The following KCNB2 variants were observed in gnomAD, a reference collection of about 807,000 sequenced individuals.
The protein encoded by KCNB2 is potassium voltage-gated channel subfamily B member 2.
Under a neutral mutation model 61.5 loss-of-function variants are expected in KCNB2, and 15 were observed. The observed-to-expected ratio is 0.24, with a 90% CI of 0.16 to 0.38. The LOEUF (loss-of-function observed/expected upper bound fraction) is 0.38, where lower values mean the gene tolerates loss of function less well. Ranked by LOEUF, KCNB2 falls within the 10% of genes least tolerant of loss-of-function variation. The pLI is 1.00. For synonymous variants in KCNB2, 457 were observed against 446.0 expected (o/e 1.02, Z -0.31); for missense variants, 828 against 1,125.2 (o/e 0.74, Z 3.78).
chr8:72,581,064 C>T (rs1420593427), intron 2 of KCNB2, among the ~76,000 whole-genome samples: 1 of 152,152 alleles, frequency 6.6e-6, no homozygotes, highest in Admixed American at 6.5e-5. Context: ...ACCAACCATT[C>T]CTGAAGACAG....
intron 2 of KCNB2, among the ~76,000 whole-genome samples, chr8:72,580,272 A>G (rs1293577843): frequency 6.6e-6 from 1 of 152,202 alleles, no homozygotes; most frequent in Non-Finnish European, 1.5e-5. Flanking sequence ...TATCAATCCT[A>G]TGAGAACACA....
intron 1 of KCNB2, among the ~76,000 whole-genome samples, chr8:72,540,354 C>A (rs1806171676): frequency 2.0e-5 from 3 of 152,184 alleles, no homozygotes; most frequent in South Asian, 4.1e-4. Context: ...CTGCTTATTT[C>A]AAAATGTAAT....
intron 2 of KCNB2, among the ~76,000 whole-genome samples, chr8:72,919,781 A>G (rs1806471763): frequency 1.3e-5 from 2 of 152,250 alleles, no homozygotes; most frequent in Admixed American, 1.3e-4. Context: ...GACATTTGTC[A>G]TAATATGCTC....
At chr8:72,800,913 A>G (rs1809115234) in intron 2 of KCNB2, among the ~76,000 whole-genome samples, 1 of 152,208 alleles carries the variant, frequency 6.6e-6, no homozygotes, top group Admixed American at 6.5e-5. Context: ...CCATAGGTGC[A>G]GAGTCTTCCT....
intron 2 of KCNB2, among the ~76,000 whole-genome samples, chr8:72,737,689 C>T (rs1461572523): frequency 6.6e-6 from 1 of 152,094 alleles, no homozygotes; most frequent in Admixed American, 6.6e-5. Context: ...AGTAGTTGGA[C>T]GTGGCAATGG....
chr8:72,586,233 C>T (rs1156397728), intron 2 of KCNB2, among the ~76,000 whole-genome samples: 2 of 152,230 alleles, frequency 1.3e-5, no homozygotes, highest in East Asian at 3.9e-4. Context: ...AACCCATTAC[C>T]GTGTGTCAAC....
chr8:72,931,504 C>G (rs374445437), intron 2 of KCNB2, among the ~76,000 whole-genome samples: 5 of 152,104 alleles, frequency 3.3e-5, no homozygotes, highest in South Asian at 2.1e-4. Flanking sequence ...TCCTTGAAGA[C>G]GTCCTTCACA....
At position 72,648,606 on chromosome 8, in the gene KCNB2, T is replaced by C. The variant is rs1018210083; in HGVS notation, c.579+80293T>C. Among the ~76,000 whole-genome samples the C allele has an allele frequency of 5.9e-5, 9 of 151,900 alleles. No individual in the cohort carries two copies. The South Asian group carries it at 1.7e-3, about 28-fold the overall frequency. On this transcript the variant is annotated intron_variant, in intron 2 of 2. Coordinates refer to ENST00000523207, the MANE Select transcript of KCNB2 (RefSeq NM_004770.3). The stretch of plus-strand genomic sequence containing the variant: ...TTTTTCAGAATATAAATTAATAGTT[T>C]TGAGTAAAATATTAACAAATTTATA...
chr8:72,642,125 G>T (rs1157977113), intron 2 of KCNB2, among the ~76,000 whole-genome samples: 1 of 152,078 alleles, frequency 6.6e-6, no homozygotes, highest in Non-Finnish European at 1.5e-5. Flanking sequence ...CTAGCTACGT[G>T]TGGCTACTCA....
intron 2 of KCNB2, among the ~76,000 whole-genome samples, chr8:72,580,790 G>A (rs1429201174): frequency 1.3e-5 from 2 of 152,188 alleles, no homozygotes; most frequent in Admixed American, 1.3e-4. Context: ...TCTCATGCTT[G>A]GACTATTGTT....
chr8:72,761,072 C>T (rs548440299), intron 2 of KCNB2, among the ~76,000 whole-genome samples: 1 of 152,306 alleles, frequency 6.6e-6, no homozygotes, highest in South Asian at 2.1e-4. Context: ...TTATGACTAT[C>T]AACAGCAGCA....
chr8:72,847,815 G>T (rs1186415366), intron 2 of KCNB2, among the ~76,000 whole-genome samples: 1 of 152,136 alleles, frequency 6.6e-6, no homozygotes, highest in South Asian at 2.1e-4. Context: ...ATGGTTGAGA[G>T]ACTCACTAGA....
chr8:72,634,798 T>G (rs558037027), intron 2 of KCNB2, among the ~76,000 whole-genome samples: 1 of 152,276 alleles, frequency 6.6e-6, no homozygotes, highest in African/African-American at 2.4e-5. Flanking sequence ...AGAAGATAAT[T>G]TCTTTAAAAT....
intron 2 of KCNB2, among the ~76,000 whole-genome samples, chr8:72,915,532 A>ATT (rs1806379069): frequency 6.6e-6 from 1 of 152,210 alleles, no homozygotes; most frequent in Non-Finnish European, 1.5e-5. Flanking sequence ...GCTGAACATA[A>ATT]ACATAGACAC....
chr8:72,732,799 T>C (rs1463459576), intron 2 of KCNB2, among the ~76,000 whole-genome samples: 7 of 152,178 alleles, frequency 4.6e-5, no homozygotes, highest in Non-Finnish European at 1.0e-4. Context: ...TCTCTAAGAC[T>C]AGGCTGCCTA....
chr8:72,902,738 A>G (rs117187357), intron 2 of KCNB2, among the ~76,000 whole-genome samples: 103 of 152,284 alleles, frequency 6.8e-4, no homozygotes, highest in Non-Finnish European at 1.1e-3. Flanking sequence ...ACTTAAGGAT[A>G]TTAGTGATAT....
chr8:72,640,436 G>A (rs1488477899), intron 2 of KCNB2, among the ~76,000 whole-genome samples: 1 of 151,904 alleles, frequency 6.6e-6, no homozygotes, highest in Non-Finnish European at 1.5e-5. Flanking sequence ...GGCATATTGT[G>A]GAAGTGAAGC....
intron 2 of KCNB2, among the ~76,000 whole-genome samples, chr8:72,799,536 C>T (rs761345029): frequency 6.6e-6 from 1 of 152,074 alleles, no homozygotes; most frequent in Admixed American, 6.6e-5. Context: ...TTCCTTAGCA[C>T]TTTTCTATGT....
chr8:72,896,726 A>G (rs1261584662), intron 2 of KCNB2, among the ~76,000 whole-genome samples: 1 of 152,150 alleles, frequency 6.6e-6, no homozygotes, highest in African/African-American at 2.4e-5. Context: ...TCCCTTTCTC[A>G]CTGTGCTTTT....
Sources: allele counts gnomAD v4.1 joint callset (sites outside exome capture counted in the v4.1 genomes callset), GRCh38; gene constraint gnomAD v4.1.1; transcripts MANE v1.5; gene names NCBI Gene and HGNC (gene_info 2026-07-23, HGNC 2026-07-21).